Variants in SNURF observed in about 807,000 individuals in gnomAD.
SNURF encodes the protein SNURF protein.
A neutral mutation model predicts 11.6 loss-of-function variants in SNURF; 6 were observed. That is an observed-to-expected ratio of 0.52 (90% CI 0.28 to 1.02). The LOEUF (loss-of-function observed/expected upper bound fraction) is 1.02, where lower values mean the gene tolerates loss of function less well. Ranked by LOEUF, SNURF falls within the 50% of genes least tolerant of loss-of-function variation. SNURF has a pLI of 0.09. For missense variants in SNURF, 84 were observed against 88.4 expected (o/e 0.95, Z 0.20); for synonymous variants, 29 against 31.6 (o/e 0.92, Z 0.27).
intron 1 of SNURF, among the ~76,000 whole-genome samples, chr15:24,959,253 ATG>A (rs950805366): frequency 6.6e-6 from 1 of 152,162 alleles, no homozygotes; most frequent in Non-Finnish European, 1.5e-5. Context: ...AGATAAATGC[ATG>A]TGTGTGTGTA....
exon 2 of SNURF, chr15:24,962,150 C>T (rs768170160): frequency 8.1e-6 from 13 of 1,613,994 alleles, no homozygotes; most frequent in Admixed American, 1.7e-5. Flanking sequence ...CAGAACAGCA[C>T]GTACCAGAGG....
At chr15:24,975,288 A>G (rs989541843) in intron 3 of SNURF, 2 of 1,238,082 alleles carry the variant, frequency 1.6e-6, no homozygotes, top group African/African-American at 3.0e-5. Flanking sequence ...AGGGTGGAGA[A>G]GAAACAGGAG....
downstream of SNURF, among the ~76,000 whole-genome samples, chr15:24,970,417 A>C (rs1409855512): frequency 6.6e-6 from 1 of 152,098 alleles, no homozygotes; most frequent in Non-Finnish European, 1.5e-5. Context: ...CATCTGTTCT[A>C]AAAATACAAA....
intron 6 of SNURF, chr15:24,977,698 C>T (rs2077222862): frequency 7.5e-7 from 1 of 1,331,016 alleles, no homozygotes; most frequent in Non-Finnish European, 1.0e-6. Context: ...ACTAATTGGT[C>T]ATTTTTCTCA....
intron 2 of SNURF, among the ~76,000 whole-genome samples, chr15:24,963,472 G>A (rs750007453): frequency 5.3e-5 from 8 of 151,710 alleles, no homozygotes; most frequent in South Asian, 4.2e-4. Context: ...AAAATTAACC[G>A]AGTGTGGTGG....
chr15:24,961,178 A>AATGTTTAG (rs2074742689), intron 1 of SNURF, among the ~76,000 whole-genome samples: 1 of 152,212 alleles, frequency 6.6e-6, no homozygotes, highest in Non-Finnish European at 1.5e-5. Flanking sequence ...ATCAGTGTAT[A>AATGTTTAG]AAATTTTACC....
chr15:24,976,323 A>C, exon 5 of SNURF: 1 of 1,613,782 alleles, frequency 6.2e-7, no homozygotes, highest in Non-Finnish European at 8.5e-7. Flanking sequence ...ATGCGAAGCA[A>C]CCAGAGCGTG....
At chr15:24,956,354 C>CGGA (rs66513284) in intron 1 of SNURF, among the ~76,000 whole-genome samples, 1 of 138,158 alleles carries the variant, frequency 7.2e-6, no homozygotes, top group African/African-American at 2.7e-5. Flanking sequence ...AGCGCTTCAG[C>CGGA]GGGGGGGTGG....
intron 2 of SNURF, among the ~76,000 whole-genome samples, chr15:24,964,559 A>T (rs572080501): frequency 6.6e-6 from 1 of 152,116 alleles, no homozygotes; most frequent in African/African-American, 2.4e-5. Flanking sequence ...TTCTTTCCCA[A>T]AGTGCTAGGA....
chr15:24,966,663 G>T (rs2732025), intron 2 of SNURF, among the ~76,000 whole-genome samples: 55,683 of 151,934 alleles, frequency 0.37, 10,553 homozygotes, highest in East Asian at 0.51. Context: ...TTCTTTCACT[G>T]GGTAAATTCC....
At chr15:24,962,084 C>G (rs1381804346) in intron 1 of SNURF, 30 bp from the exon 2 acceptor site, 2 of 1,566,246 alleles carry the variant, frequency 1.3e-6, no homozygotes, top group East Asian at 4.5e-5. Flanking sequence ...ATGCAGTCTA[C>G]CAAACAAATG....
chr15:24,971,456 C>T (rs1034328443), downstream of SNURF, among the ~76,000 whole-genome samples: 7 of 152,036 alleles, frequency 4.6e-5, no homozygotes, highest in Non-Finnish European at 1.0e-4. Context: ...TAAGGGAATC[C>T]TTTTAACTGC....
intron 2 of SNURF, among the ~76,000 whole-genome samples, chr15:24,962,749 A>G (rs2075030603): frequency 6.6e-6 from 1 of 152,228 alleles, no homozygotes; most frequent in African/African-American, 2.4e-5. Context: ...GGAAATTTTA[A>G]TTAAAAATAG....
intron 1 of SNURF, among the ~76,000 whole-genome samples, chr15:24,956,582 G>C (rs2062945789): frequency 6.6e-6 from 1 of 152,216 alleles, no homozygotes. Flanking sequence ...GCTTGCAGTG[G>C]GGCGAGACGT....
chr15:24,977,178 G>A (rs1286609205), intron 6 of SNURF: 16 of 575,504 alleles, frequency 2.8e-5, no homozygotes, highest in Non-Finnish European at 4.2e-5. Context: ...GGGAGGAAGG[G>A]AATAAAACTA....
chr15:24,968,250 C>G lies in SNURF; in HGVS notation c.*213C>G, dbSNP rs1596288780. On this transcript the variant is annotated 3_prime_UTR_variant, in exon 3 of 3. Transcript: ENST00000577949. ...TTTGCAGGACCTTAAATTTTCTGCC[C>G]TGACACTTTCGTCATGTTTCTGTAT... 4 of 527,424 alleles carry G rather than the reference C, an allele frequency of 7.6e-6. 1 individual carries two copies. In the East Asian group the frequency reaches 1.3e-4, roughly 18 times the overall value. The allele number at this position is 527,424 out of a possible 1,614,324, so 32.7% of individuals were successfully genotyped here. A position where few individuals can be genotyped will look rare whatever the true frequency, so the allele number is the denominator to read the frequency against.
intron 2 of SNURF, among the ~76,000 whole-genome samples, chr15:24,963,441 C>G (rs933335009): frequency 3.3e-5 from 5 of 151,688 alleles, no homozygotes; most frequent in African/African-American, 1.2e-4. Context: ...ATGGTGAAAC[C>G]CCGTCTCTCC....
intron 3 of SNURF, chr15:24,974,213 T>A (rs923748610): frequency 1.9e-6 from 1 of 540,334 alleles, no homozygotes; most frequent in Non-Finnish European, 3.3e-6. Context: ...GAAGGATGTT[T>A]TTGAACGTGT....
chr15:24,970,261 G>T (rs1441226896), downstream of SNURF, among the ~76,000 whole-genome samples: 1 of 152,036 alleles, frequency 6.6e-6, no homozygotes, highest in Non-Finnish European at 1.5e-5. Context: ...TAAGGCACAC[G>T]ATGGCCAGGA....
Sources: gnomAD v4.1 joint callset for allele counts (sites outside exome capture counted in the v4.1 genomes callset) on GRCh38, gnomAD v4.1.1 for gene constraint, MANE v1.5 for transcripts, NCBI Gene and HGNC (gene_info 2026-07-23, HGNC 2026-07-21) for gene names.